The following ELP4 variants were observed in gnomAD, a reference collection of about 807,000 sequenced individuals.
ELP4 encodes the protein elongator acetyltransferase complex subunit 4, also known as elongator complex protein 4.
ELP4 carries 51 observed loss-of-function variants against 48.9 expected under a neutral mutation model. That is an observed-to-expected ratio of 1.04 (90% CI 0.83 to 1.32). ELP4 has a LOEUF of 1.32. Among genes scored for constraint, ELP4 ranks in the 40% most tolerant of loss-of-function variants. The pLI is 0.00. For synonymous variants in ELP4, 210 were observed against 189.2 expected, an observed-to-expected ratio of 1.11 and a Z score of -0.90; for missense variants, 519 against 514.6, an observed-to-expected ratio of 1.01 and a Z score of -0.08.
chr11:31,527,911 C>T (rs1471716693), intron 2 of ELP4, among the ~76,000 whole-genome samples: 1 of 152,062 alleles, frequency 6.6e-6, no homozygotes, highest in East Asian at 1.9e-4. Context: ...CTCATCCTCT[C>T]ACTATTCTTC....
At position 31,548,060 on chromosome 11, in the gene ELP4, C is replaced by T. The variant is rs1225383416; in HGVS notation, c.381+8277C>T. Among the ~76,000 whole-genome samples, 10 of 152,262 alleles carry T rather than the reference C, an allele frequency of 6.6e-5. No homozygotes were observed. The East Asian group carries it at 1.9e-3, about 29-fold the overall frequency. On this transcript the variant is annotated intron_variant, in intron 3 of 9. Transcript: ENST00000640961. Reference sequence around the variant, plus strand: ...GAATGGGCAAAAACTGGAAGCATTCCCTTTGAAAACGGGCACAAGACAGGG... The same window carrying T: ...GAATGGGCAAAAACTGGAAGCATTCTCTTTGAAAACGGGCACAAGACAGGG...
intron 9 of ELP4, among the ~76,000 whole-genome samples, chr11:31,709,208 G>A (rs1946692199): frequency 6.6e-6 from 1 of 152,144 alleles, no homozygotes; most frequent in Non-Finnish European, 1.5e-5. Flanking sequence ...TCCTGAGTAG[G>A]AAAGCATATG....
At chr11:31,513,181 A>G (rs1162043761) in intron 1 of ELP4, among the ~76,000 whole-genome samples, 2 of 152,164 alleles carry the variant, frequency 1.3e-5, no homozygotes, top group Non-Finnish European at 2.9e-5. Flanking sequence ...TTACCAACCA[A>G]TATAATTAGC....
intron 2 of ELP4, among the ~76,000 whole-genome samples, chr11:31,535,850 C>CT (rs1956492240): frequency 6.6e-6 from 1 of 152,022 alleles, no homozygotes; most frequent in South Asian, 2.1e-4. Context: ...GCCATATGTG[C>CT]TTTTTTTGTA....
chr11:31,755,245 A>G (rs1306039098), intron 9 of ELP4, among the ~76,000 whole-genome samples: 7 of 152,216 alleles, frequency 4.6e-5, no homozygotes, highest in Admixed American at 4.6e-4. Context: ...TAAATTAATG[A>G]ATTAGTAAAT....
intron 9 of ELP4, among the ~76,000 whole-genome samples, chr11:31,732,692 A>G (rs1947218437): frequency 6.6e-6 from 1 of 152,214 alleles, no homozygotes; most frequent in Admixed American, 6.5e-5. Flanking sequence ...AAGGGGACAC[A>G]TCAGCTGAAA....
chr11:31,769,970 T>C (rs948469960), intron 9 of ELP4, among the ~76,000 whole-genome samples: 5 of 152,160 alleles, frequency 3.3e-5, no homozygotes, highest in Non-Finnish European at 7.4e-5. Flanking sequence ...GTCTCCTCAC[T>C]TATCTTGGGT....
At chr11:31,734,663 A>C (rs1482093242) in intron 9 of ELP4, among the ~76,000 whole-genome samples, 1 of 152,250 alleles carries the variant, frequency 6.6e-6, no homozygotes, top group Non-Finnish European at 1.5e-5. Context: ...CCAAGAAGGC[A>C]AAAGTATTGT....
At position 31,509,939 on chromosome 11, in the gene ELP4, C is replaced by G. The variant is rs759974244; in HGVS notation, c.155C>G (p.Thr52Arg). ...CCTCGACTGGTGTCCATTGCGGGCA[C>G]GCGACCGTCGGTGCGGAATGGACAG... ...SGPRLVSIAG[T>R]RPSVRNGQLL... is the part of the protein sequence containing the mutation. The change falls in exon 1 of 10, where the codon ACG becomes AGG. Residue 52 changes from threonine (T) to arginine (R), a missense_variant. By Grantham distance (71) the Thr-to-Arg change is moderately conservative. Coordinates refer to ENST00000640961, the MANE Select transcript of ELP4 (RefSeq NM_019040.5). 6.2e-7 allele frequency: 1 copy of G among 1,613,448 alleles called. No individual in the cohort carries two copies. The highest frequency in any genetic ancestry group is 8.5e-7 in the Non-Finnish European group (1 of 1,180,032).
intron 8 of ELP4, chr11:31,649,846 G>T: frequency 3.5e-6 from 1 of 282,558 alleles, no homozygotes. Context: ...CTGTAGTTTT[G>T]ACAAGTATTA....
At chr11:31,628,301 A>G (rs758709635) in intron 6 of ELP4, 1 of 152,198 alleles carries the variant, frequency 6.6e-6, no homozygotes, top group African/African-American at 2.4e-5. Flanking sequence ...TGTGGTAACT[A>G]TGGAAACAGG....
intron 9 of ELP4, chr11:31,662,433 A>G (rs1345787016): frequency 2.5e-6 from 1 of 394,692 alleles, no homozygotes; most frequent in Non-Finnish European, 4.5e-6. Context: ...CCCATGGGCC[A>G]AATCCAGCTC....
intron 9 of ELP4, among the ~76,000 whole-genome samples, chr11:31,666,718 A>T (rs1945689143): frequency 6.7e-6 from 1 of 149,610 alleles, no homozygotes; most frequent in South Asian, 2.1e-4. Context: ...AAGGTTCCTT[A>T]TGTAGACTTA....
At chr11:31,621,844 A>G (rs1944629226) in intron 5 of ELP4, among the ~76,000 whole-genome samples, 2 of 151,870 alleles carry the variant, frequency 1.3e-5, no homozygotes, top group Admixed American at 1.3e-4. Flanking sequence ...CATTGAATCT[A>G]GATCTCACTG....
chr11:31,760,772 A>G (rs865856473), intron 9 of ELP4, among the ~76,000 whole-genome samples: 2 of 152,200 alleles, frequency 1.3e-5, no homozygotes, highest in South Asian at 2.1e-4. Context: ...ATTTAACCCT[A>G]TTACGTTATG....
intron 2 of ELP4, among the ~76,000 whole-genome samples, chr11:31,538,966 T>C (rs1652706304): frequency 1.3e-5 from 2 of 152,198 alleles, no homozygotes; most frequent in Admixed American, 1.3e-4. Flanking sequence ...GTTAGAGTAA[T>C]GATGGGCCTA....
At chr11:31,525,527 T>G (rs1182595085) in intron 2 of ELP4, among the ~76,000 whole-genome samples, 1 of 152,164 alleles carries the variant, frequency 6.6e-6, no homozygotes, top group Non-Finnish European at 1.5e-5. Context: ...ATTGCTCATA[T>G]GGAAAACAAT....
chr11:31,549,530 C>G (rs1956801095), intron 3 of ELP4, among the ~76,000 whole-genome samples: 1 of 151,852 alleles, frequency 6.6e-6, no homozygotes, highest in African/African-American at 2.4e-5. Flanking sequence ...CACTTTTACA[C>G]TGTTGGTGGG....
chr11:31,741,496 C>T (rs923467289), intron 9 of ELP4, among the ~76,000 whole-genome samples: 1 of 152,194 alleles, frequency 6.6e-6, no homozygotes, highest in Non-Finnish European at 1.5e-5. Flanking sequence ...AGACACCCCC[C>T]AGTAGGGGCG....
Sources: allele counts gnomAD v4.1 joint callset (sites outside exome capture counted in the v4.1 genomes callset), GRCh38; gene constraint gnomAD v4.1.1; transcripts MANE v1.5; gene names NCBI Gene and HGNC (gene_info 2026-07-23, HGNC 2026-07-21).